The following SEC14L4 variants were observed in gnomAD, a reference collection of about 807,000 sequenced individuals.
The protein encoded by SEC14L4 is SEC14-like protein 4.
A neutral mutation model predicts 55.1 loss-of-function variants in SEC14L4; 42 were observed. That is an observed-to-expected ratio of 0.76 (90% CI 0.60 to 0.99). The LOEUF (loss-of-function observed/expected upper bound fraction) is 0.99, where lower values mean the gene tolerates loss of function less well. Among genes scored for constraint, SEC14L4 ranks in the 50% least tolerant of loss-of-function variants. SEC14L4 has a pLI of 0.00. For synonymous variants in SEC14L4, 206 were observed against 206.8 expected (o/e 1.00, Z 0.03); for missense variants, 445 against 512.1 (o/e 0.87, Z 1.27).
chr22:30,492,631 G>C (rs976526479), intron 7 of SEC14L4, 74 bp from the exon 8 acceptor site: 10 of 1,189,912 alleles, frequency 8.4e-6, no homozygotes, highest in African/African-American at 1.5e-5. Flanking sequence ...GCCAAGAGCA[G>C]GTGCTGGACA....
intron 2 of SEC14L4, among the ~76,000 whole-genome samples, chr22:30,502,682 C>G (rs1021395752): frequency 1.3e-5 from 2 of 152,152 alleles, no homozygotes; most frequent in South Asian, 2.1e-4. Context: ...TCCTGAGTAG[C>G]TGGGATTACA....
At position 30,504,041 on chromosome 22, in the gene SEC14L4, ATTTTTATAT is replaced by A. The variant is rs1252457194; in HGVS notation, c.55-298_55-290del. ...TATTTTTAATTTTTATTTTATTATT[ATTTTTATAT>A]TATTATTATTATTATTATTATTATT... is the stretch of plus-strand genomic sequence containing the variant. On this transcript the variant is annotated intron_variant, in intron 1 of 11. Coordinates refer to ENST00000255858, the MANE Select transcript of SEC14L4 (RefSeq NM_174977.4). Among the ~76,000 whole-genome samples, 640 of 96,326 alleles carry A rather than the reference ATTTTTATAT, an allele frequency of 6.6e-3. 9 individuals are homozygous for A. Among genetic ancestry groups the A allele is most frequent in the African/African-American group, 0.019 (611 of 31,846 alleles). The allele number at this position is 96,326 out of a possible 152,430, so 63.2% of individuals were successfully genotyped here.
chr22:30,493,500 C>T (rs1936034503), intron 7 of SEC14L4, among the ~76,000 whole-genome samples: 1 of 152,208 alleles, frequency 6.6e-6, no homozygotes, highest in Non-Finnish European at 1.5e-5. Context: ...CTCTGGAACA[C>T]ATGACATCAC....
At chr22:30,492,376 G>T in intron 8 of SEC14L4, 98 bp downstream of exon 8, 1 of 1,248,780 alleles carries the variant, frequency 8.0e-7, no homozygotes, top group Non-Finnish European at 1.2e-6. Context: ...GCCAGGGGTA[G>T]TGCCCGAGTA....
At chr22:30,503,775 G>A (rs1412515421) in intron 1 of SEC14L4, 23 bp from the exon 2 acceptor site, 25 of 1,607,008 alleles carry the variant, frequency 1.6e-5, no homozygotes, top group Non-Finnish European at 2.1e-5. Context: ...GGATCTGATG[G>A]TCGGCGGAGC....
rs941590437 is a variant in SEC14L4, at chr22:30,489,262, C to T, written c.*845G>A. On this transcript the variant is annotated 3_prime_UTR_variant, in exon 12 of 12. Coordinates refer to ENST00000255858, the MANE Select transcript of SEC14L4 (RefSeq NM_174977.4). ...GTTTGTTTGTTTGTTTGTTTAGAGACGGAGTCTGGCTCTGTTGCCCAGGCT... is the reference window on the plus strand; with the variant it reads ...GTTTGTTTGTTTGTTTGTTTAGAGATGGAGTCTGGCTCTGTTGCCCAGGCT... The T allele has an allele frequency of 8.7e-5, 12 of 138,714 alleles. No individual in the cohort carries two copies. Among genetic ancestry groups the T allele is most frequent in the East Asian group, 1.9e-4 (1 of 5,140 alleles). 8.6% of individuals were successfully genotyped at this position (138,714 alleles called of 1,614,324 possible).
intron 2 of SEC14L4, among the ~76,000 whole-genome samples, chr22:30,501,131 G>A (rs1936307952): frequency 6.6e-6 from 1 of 152,128 alleles, no homozygotes; most frequent in Non-Finnish European, 1.5e-5. Flanking sequence ...GCCCGGGAGA[G>A]GGTCCTCTAC....
At chr22:30,501,876 C>CACATATATATACATATATAT (rs1936339831) in intron 2 of SEC14L4, among the ~76,000 whole-genome samples, 2 of 99,010 alleles carry the variant, frequency 2.0e-5, no homozygotes, top group African/African-American at 7.5e-5. Context: ...TATATATATA[C>CACATATATATACATATATAT]ATACACATAC....
At chr22:30,503,646 T>C in intron 2 of SEC14L4, 31 bp downstream of exon 2, 1 of 1,522,348 alleles carries the variant, frequency 6.6e-7, no homozygotes, top group Non-Finnish European at 9.1e-7. Flanking sequence ...TTCCCTCCCT[T>C]TCTGCGTCCC....
At chr22:30,504,718 G>T (rs879304688) in intron 1 of SEC14L4, among the ~76,000 whole-genome samples, 1 of 152,194 alleles carries the variant, frequency 6.6e-6, no homozygotes, top group Admixed American at 6.5e-5. Context: ...CCTTATCAGG[G>T]CATCTGTTGC....
rs202152729 is a variant in SEC14L4 at position 30,495,662 on chromosome 22, G to A, written c.175-20C>T. On this transcript the variant is annotated intron_variant, in intron 3 of 11. Transcript: ENST00000255858. ...CATGTGCTGCAGGAACACAGCAGGA[G>A]CTATAGGATTTTGCAGGAACCTGGG... The A allele has an allele frequency of 9.3e-6, 15 of 1,614,034 alleles. No individual in the cohort carries two copies. The East Asian group carries it at 3.3e-4, about 36-fold the overall frequency.
At position 30,494,866 on chromosome 22, in the gene SEC14L4, C is replaced by T; in HGVS notation, c.519G>A (p.Gln173=). 6.2e-7 allele frequency: 1 copy of T among 1,611,640 alleles called. No individual in the cohort carries two copies. Among genetic ancestry groups the T allele is most frequent in the East Asian group, 2.2e-5 (1 of 44,834 alleles). ...GCCCCAAGCCAGCCACCCACCTTAC[C>T]TGCTGGTAGACCTCCACAGCTGGCT... ...LWKPAVEVYQ[Q]FFSILEANYP... is the part of the protein sequence containing the mutation. The change falls in exon 6 of 12, where the codon CAG becomes CAA. Residue 173 remains glutamine (Q), a splice_region_variant and synonymous_variant. Transcript: ENST00000255858.
In SEC14L4 at chr22:30,494,210, A is replaced by G. The variant is rs547067828; in HGVS notation, c.520T>C (p.Phe174Leu). The change falls in exon 7 of 12, where the codon TTT becomes CTT. Residue 174 changes from phenylalanine to leucine, a missense_variant and splice_region_variant. By Grantham distance (22) the Phe-to-Leu change is conservative. Coordinates refer to ENST00000255858, the MANE Select transcript of SEC14L4 (RefSeq NM_174977.4). Reference protein sequence around the residue: ...WKPAVEVYQQFFSILEANYPE... With the variant: ...WKPAVEVYQQLFSILEANYPE... ...TAATTTGCTTCCAGGATGCTAAAAAACTGTGGAGTCAAGATGAGTCTGGTT... is the reference window on the plus strand; with the variant it reads ...TAATTTGCTTCCAGGATGCTAAAAAGCTGTGGAGTCAAGATGAGTCTGGTT... The G allele has an allele frequency of 6.2e-7, 1 of 1,612,944 alleles. No homozygotes were observed.
intron 1 of SEC14L4, among the ~76,000 whole-genome samples, chr22:30,505,110 C>A (rs1179106101): frequency 7.1e-6 from 1 of 141,258 alleles, no homozygotes; most frequent in Admixed American, 7.5e-5. Context: ...CCAGCCTGGA[C>A]GACAGAGCAA....
rs1935869224 is a variant in SEC14L4, at chr22:30,489,035, C to A, written c.*1072G>T. On this transcript the variant is annotated 3_prime_UTR_variant, in exon 12 of 12. Coordinates refer to ENST00000255858, the MANE Select transcript of SEC14L4 (RefSeq NM_174977.4). Reference sequence around the variant, plus strand: ...CCTGTTCAGACTCTACGTATATGCACCCATGAATGGTGCAGCTGCCAAGAG... The same window carrying A: ...CCTGTTCAGACTCTACGTATATGCAACCATGAATGGTGCAGCTGCCAAGAG... 1 of 152,122 alleles carries A rather than the reference C, an allele frequency of 6.6e-6. No homozygotes were observed. The highest frequency in any genetic ancestry group is 1.5e-5 in the Non-Finnish European group (1 of 68,172). 9.4% of individuals were successfully genotyped at this position (152,122 alleles called of 1,614,324 possible). A position where few individuals can be genotyped will look rare whatever the true frequency, so the allele number is the denominator to read the frequency against.
At position 30,500,076 on chromosome 22, in the gene SEC14L4, G is replaced by T. The variant is rs151035554; in HGVS notation, c.130+3601C>A. On this transcript the variant is annotated intron_variant, in intron 2 of 11. Coordinates refer to ENST00000255858, the MANE Select transcript of SEC14L4 (RefSeq NM_174977.4). ...GTAGACACAGGGTTTCTCCATGTTG[G>T]TCAGGCTTTTCTCGAACTCCCGACC... Among the ~76,000 whole-genome samples, 3 of 152,080 alleles carry T rather than the reference G, an allele frequency of 2.0e-5. No homozygotes were observed. The East Asian group carries it at 5.8e-4, about 29-fold the overall frequency.
chr22:30,503,414 G>A (rs1936393335), intron 2 of SEC14L4, among the ~76,000 whole-genome samples: 1 of 151,988 alleles, frequency 6.6e-6, no homozygotes, highest in Admixed American at 6.5e-5. Flanking sequence ...ACAGGCATGT[G>A]CCACCAAGCC....
intron 2 of SEC14L4, among the ~76,000 whole-genome samples, chr22:30,500,681 G>A (rs5753171): frequency 8.1e-5 from 12 of 148,000 alleles, no homozygotes; most frequent in Admixed American, 7.4e-4. Context: ...AGATTTTTCA[G>A]TTAGGAACCA....
chr22:30,499,782 C>G (rs1472915977), intron 2 of SEC14L4, among the ~76,000 whole-genome samples: 1 of 151,942 alleles, frequency 6.6e-6, no homozygotes, highest in Non-Finnish European at 1.5e-5. Flanking sequence ...TTGTACTGAT[C>G]TAGCTTTGAA....
Sources: gnomAD v4.1 joint callset for allele counts (sites outside exome capture counted in the v4.1 genomes callset) on GRCh38, gnomAD v4.1.1 for gene constraint, MANE v1.5 for transcripts, NCBI Gene and HGNC (gene_info 2026-07-23, HGNC 2026-07-21) for gene names.